DMD: variants seen among roughly 807,000 people sequenced by gnomAD.
DMD encodes the protein mutant dystrophin.
DMD carries 63 observed loss-of-function variants against 330.1 expected under a neutral mutation model. The ratio of observed to expected loss-of-function variants is 0.19; its 90% CI spans 0.16 to 0.24. DMD has a LOEUF of 0.24. DMD is among the 10% of genes least tolerant of loss of function. The pLI is 1.00. For missense variants in DMD, 3,344 were observed against 2,684.1 expected (o/e 1.25, Z -5.43); for synonymous variants, 1,223 against 959.8 (o/e 1.27, Z -5.07).
chrX:32,652,188 A>G (rs777044384), intron 9 of DMD, among the ~76,000 whole-genome samples: 5 of 110,480 alleles, frequency 4.5e-5, no homozygotes, highest in Admixed American at 9.6e-5. Context: ...CACAACGTTC[A>G]GGTTTGTTAC....
chrX:32,358,800 C>A (rs2097818571), intron 37 of DMD, among the ~76,000 whole-genome samples: 1 of 111,280 alleles, frequency 9.0e-6, no homozygotes, highest in Non-Finnish European at 1.9e-5. Flanking sequence ...CTCAACCCCC[C>A]AGATTCGGCC....
intron 1 of DMD, among the ~76,000 whole-genome samples, chrX:33,187,405 C>T (rs1042851490): frequency 1.4e-4 from 16 of 112,469 alleles, no homozygotes; most frequent in Admixed American, 2.8e-4. Context: ...ATTTCTATAA[C>T]AGAATAACTT....
intron 9 of DMD, among the ~76,000 whole-genome samples, chrX:32,653,295 A>C (rs2060305097): frequency 8.9e-6 from 1 of 111,969 alleles, no homozygotes; most frequent in South Asian, 3.7e-4. Flanking sequence ...TTTTAGGTCT[A>C]ACATTTAAGT....
chrX:32,118,492 T>A (rs1180327854), intron 44 of DMD, among the ~76,000 whole-genome samples: 1 of 110,792 alleles, frequency 9.0e-6, no homozygotes, highest in Non-Finnish European at 1.9e-5. Context: ...TCTATGTGGC[T>A]TTGGTTATAT....
intron 50 of DMD, among the ~76,000 whole-genome samples, chrX:31,774,564 A>G (rs183527259): frequency 1.2e-4 from 13 of 110,953 alleles, no homozygotes; most frequent in African/African-American, 4.0e-4. Context: ...CAGGGAAATA[A>G]ATTTTACTTA....
At chrX:32,304,223 T>C (rs183232053) in intron 42 of DMD, among the ~76,000 whole-genome samples, 1 of 111,624 alleles carries the variant, frequency 9.0e-6, no homozygotes, top group East Asian at 2.8e-4. Flanking sequence ...TAACTGCAAC[T>C]TCAAAATTTC....
In DMD at chrX:32,329,616, TTTATGA is replaced by T. The variant is rs753336394; in HGVS notation, c.5922+12478_5922+12483del. ...CGATATTATTCATGTTTCATGTGTG[TTTATGA>T]TTGTCTAGATACTAACCAGTTAACA... On this transcript the variant is annotated intron_variant, in intron 41 of 78. Transcript: ENST00000357033. Among the ~76,000 whole-genome samples, 28 of 112,499 alleles carry T rather than the reference TTTATGA, an allele frequency of 2.5e-4. No homozygotes were observed. The East Asian group carries it at 7.0e-3, about 28-fold the overall frequency.
At chrX:33,128,490 T>A in intron 1 of DMD, 1 of 872,272 alleles carries the variant, frequency 1.1e-6, no homozygotes, top group Non-Finnish European at 1.4e-6. Context: ...TCTACCTGAT[T>A]ACGTTCCCTT....
intron 21 of DMD, among the ~76,000 whole-genome samples, chrX:32,472,936 A>G (rs2040817627): frequency 9.0e-6 from 1 of 110,938 alleles, no homozygotes; most frequent in Non-Finnish European, 1.9e-5. Flanking sequence ...AAAACAGGCT[A>G]TTAAAGAGGC....
chrX:31,849,679 C>A (rs1270475954), intron 48 of DMD, among the ~76,000 whole-genome samples: 1 of 110,026 alleles, frequency 9.1e-6, no homozygotes, highest in Non-Finnish European at 1.9e-5. Flanking sequence ...AAGGGAATGG[C>A]ACTTATGTTT....
At chrX:31,536,211 T>C (rs7881088) in intron 55 of DMD, among the ~76,000 whole-genome samples, 7,763 of 111,365 alleles carry the variant, frequency 0.07, 237 homozygotes, top group African/African-American at 0.12. Flanking sequence ...CTCCTCATTT[T>C]ATGCATTTTA....
chrX:32,314,548 G>A (rs1173838767), intron 41 of DMD, among the ~76,000 whole-genome samples: 1 of 111,184 alleles, frequency 9.0e-6, no homozygotes, highest in Non-Finnish European at 1.9e-5. Context: ...TTGACAAATG[G>A]GATCTAATTA....
At chrX:32,293,079 C>T (rs776068328) in intron 42 of DMD, among the ~76,000 whole-genome samples, 15 of 112,342 alleles carry the variant, frequency 1.3e-4, no homozygotes, top group Non-Finnish European at 2.6e-4. Flanking sequence ...TCTTTTGTTT[C>T]GCACCTCAAT....
intron 43 of DMD, among the ~76,000 whole-genome samples, chrX:32,263,564 T>C (rs1428529435): frequency 8.9e-6 from 1 of 112,387 alleles, no homozygotes; most frequent in East Asian, 2.8e-4. Context: ...ATATGCTAAC[T>C]GTAGCAGGTT....
intron 29 of DMD, among the ~76,000 whole-genome samples, chrX:32,416,191 T>G (rs1243809187): frequency 4.5e-5 from 5 of 112,091 alleles, no homozygotes; most frequent in African/African-American, 1.6e-4. Context: ...AAAAAATCAT[T>G]TAATAATATT....
intron 1 of DMD, among the ~76,000 whole-genome samples, chrX:33,043,516 C>A (rs2094333882): frequency 9.0e-6 from 1 of 110,622 alleles, no homozygotes; most frequent in African/African-American, 3.3e-5. Flanking sequence ...CTATTTTCTG[C>A]CCTTTTTTGC....
Position 32,380,582 on chromosome X carries a change from A to T in DMD, c.4773T>A (p.Asp1591Glu). The T allele has an allele frequency of 8.3e-7, 1 of 1,210,191 alleles. No individual in the cohort carries two copies. Among genetic ancestry groups the T allele is most frequent in the Non-Finnish European group, 1.1e-6 (1 of 894,610 alleles). The change falls in exon 34 of 79, where the codon GAT becomes GAA. Residue 1591 changes from aspartate to glutamate, a missense_variant. Asp to Glu is a conservative substitution (Grantham distance 45). Coordinates refer to ENST00000357033, the MANE Select transcript of DMD (RefSeq NM_004006.3). ...CTGCTGATCTCTTTGTCAATTCCAT[A>T]TCTGTAGCTGCCAGCCATTCTGTCA... ...NVLTEWLAAT[D>E]MELTKRSAVE...
chrX:32,427,341 G>A (rs2098217222), intron 29 of DMD, among the ~76,000 whole-genome samples: 1 of 111,309 alleles, frequency 9.0e-6, no homozygotes, highest in African/African-American at 3.3e-5. Flanking sequence ...ATACACAATA[G>A]AAGGCTGGAT....
At chrX:31,967,320 GTGTGTGT>G (rs1569524524) in intron 45 of DMD, among the ~76,000 whole-genome samples, 13 of 101,776 alleles carry the variant, frequency 1.3e-4, no homozygotes, top group African/African-American at 4.7e-4. Context: ...GTGTGTGTGT[GTGTGTGT>G]GTGTGTGTGT....
Sources: allele counts gnomAD v4.1 joint callset (sites outside exome capture counted in the v4.1 genomes callset), GRCh38; gene constraint gnomAD v4.1.1; transcripts MANE v1.5; gene names NCBI Gene and HGNC (gene_info 2026-07-23, HGNC 2026-07-21).